The following GRIK5 variants were observed in gnomAD, a reference collection of about 807,000 sequenced individuals.
GRIK5 encodes the protein glutamate receptor ionotropic, kainate 5.
GRIK5 carries 43 observed loss-of-function variants against 97.4 expected under a neutral mutation model. That is an observed-to-expected ratio of 0.44 (90% confidence interval 0.35 to 0.57). The LOEUF is 0.57. GRIK5 is among the 20% of genes least tolerant of loss of function. The probability of loss-of-function intolerance (pLI) is 0.01; values close to 1 mark genes in which losing one functional copy is unlikely to be tolerated. For missense variants in GRIK5, 1,015 were observed against 1,382.0 expected, an observed-to-expected ratio of 0.73 and a Z score of 4.21; for synonymous variants, 580 against 583.5, an observed-to-expected ratio of 0.99 and a Z score of 0.09.
intron 15 of GRIK5, among the ~76,000 whole-genome samples, chr19:42,013,737 T>C (rs2146033247): frequency 6.6e-6 from 1 of 152,136 alleles, no homozygotes; most frequent in African/African-American, 2.4e-5. Flanking sequence ...AGAGAAAACA[T>C]AAATGTTTGA....
At chr19:42,063,977 G>A (rs2076294014) in intron 3 of GRIK5, among the ~76,000 whole-genome samples, 1 of 152,062 alleles carries the variant, frequency 6.6e-6, no homozygotes, top group Admixed American at 6.5e-5. Context: ...ACTGGTAAGG[G>A]CCCCACCATT....
chr19:42,016,025 A>G (rs968009235), intron 15 of GRIK5, among the ~76,000 whole-genome samples: 1 of 152,106 alleles, frequency 6.6e-6, no homozygotes, highest in Non-Finnish European at 1.5e-5. Flanking sequence ...GAAAAATAAA[A>G]CCAAAACCCC....
Position 41,999,028 on chromosome 19 carries a change from TG to T in GRIK5, c.2785del (p.His929ThrfsTer?). ...CCGGCACTCCTGGCAGACGCGCACGTGGGTGCAGGGGGTGGGGGCGGCGGGT... is the reference window on the plus strand; with the variant it reads ...CCGGCACTCCTGGCAGACGCGCACGTGGTGCAGGGGGTGGGGGCGGCGGGT... The part of the protein sequence containing the change: ...ARPAAPTPCT[H>X]VRVCQECRRI... On this transcript the variant is annotated frameshift_variant, in exon 20 of 20. Transcript: ENST00000593562. LOFTEE classifies it low-confidence loss of function (END_TRUNC). The surrounding 1 kb of genome is among the most constrained non-coding windows in gnomAD (Gnocchi z 5.0). 1.1e-6 allele frequency: 1 copy of T among 944,490 alleles called. No homozygotes were observed. The highest frequency in any genetic ancestry group is 3.4e-5 in the South Asian group (1 of 29,300). 58.5% of individuals were successfully genotyped at this position (944,490 alleles called of 1,614,324 possible).
intron 11 of GRIK5, among the ~76,000 whole-genome samples, chr19:42,047,496 C>T (rs1315156520): frequency 6.6e-6 from 1 of 152,042 alleles, no homozygotes; most frequent in Admixed American, 6.6e-5. Flanking sequence ...TAATTTAAAG[C>T]TATGGTATTT....
In GRIK5 at chr19:42,053,841, C is replaced by G; in HGVS notation, c.1145G>C (p.Arg382Pro). 1.2e-6 allele frequency: 2 copies of G among 1,613,236 alleles called. No homozygotes were observed. The highest frequency in any genetic ancestry group is 1.7e-6 in the Non-Finnish European group (2 of 1,179,188). Residue 382 changes from arginine to proline, a missense_variant, in exon 10 of 20, where the codon CGG becomes CCG. Around this residue, in one of 5 missense-constraint regions of GRIK5, gnomAD observed 477 missense variants for 701.1 expected, o/e 0.68. Coordinates refer to ENST00000593562, the MANE Select transcript of GRIK5 (RefSeq NM_002088.5). Reference protein sequence around the residue: ...NYTLRILEKSRQGHREIGVWY... With the variant: ...NYTLRILEKSPQGHREIGVWY... ...TCTGCTCACCTCACGGTGGCCCTGCCGGGACTTTTCTAGGATGCGCAGGGT... is the reference window on the plus strand; with the variant it reads ...TCTGCTCACCTCACGGTGGCCCTGCGGGGACTTTTCTAGGATGCGCAGGGT...
intron 17 of GRIK5, among the ~76,000 whole-genome samples, chr19:42,005,251 A>C (rs1324021754): frequency 6.6e-6 from 1 of 151,206 alleles, no homozygotes; most frequent in Non-Finnish European, 1.5e-5. Context: ...AAAAAAAAAA[A>C]AAAAAACAAA....
chr19:42,046,525 G>T (rs753650674), intron 11 of GRIK5, among the ~76,000 whole-genome samples: 3 of 152,170 alleles, frequency 2.0e-5, no homozygotes, highest in Non-Finnish European at 2.9e-5. Flanking sequence ...GTCCAAGAAA[G>T]TCAGTGCAGC....
Position 42,006,848 on chromosome 19 carries a change from C to A in GRIK5, c.1872-38G>T. ...AGGGGTGAGTCACGGGCTGGAGTCA[C>A]CCCTGCTGACCTGCCCCCGTGGCCA... On this transcript the variant is annotated intron_variant, in intron 15 of 19. Transcript: ENST00000593562. The surrounding 1 kb of genome is among the most constrained non-coding windows in gnomAD (Gnocchi z 5.3). The A allele has an allele frequency of 6.7e-7, 1 of 1,502,338 alleles. No homozygotes were observed. The highest frequency in any genetic ancestry group is 9.0e-7 in the Non-Finnish European group (1 of 1,115,404). 93.1% of individuals were successfully genotyped at this position (1,502,338 alleles called of 1,614,324 possible).
Position 41,998,723 on chromosome 19 carries a change from C to G in GRIK5, c.*148G>C, listed in dbSNP as rs1555870051. 19 of 266,402 alleles carry G rather than the reference C, an allele frequency of 7.1e-5. No homozygotes were observed. Among genetic ancestry groups the G allele is most frequent in the Non-Finnish European group, 8.1e-5 (13 of 160,370 alleles). The allele number at this position is 266,402 out of a possible 1,614,324, so 16.5% of individuals were successfully genotyped here. Reference sequence around the variant, plus strand: ...GGCTCCAGAGCCAGGCCTCGGACTTCGCGGGGAACCAAAGGCAAAATCGCG... The same window carrying G: ...GGCTCCAGAGCCAGGCCTCGGACTTGGCGGGGAACCAAAGGCAAAATCGCG... On this transcript the variant is annotated 3_prime_UTR_variant, in exon 20 of 20. Coordinates refer to ENST00000593562, the MANE Select transcript of GRIK5 (RefSeq NM_002088.5).
chr19:42,022,398 G>C lies in GRIK5; in HGVS notation c.1474-44C>G. On this transcript the variant is annotated intron_variant, in intron 12 of 19. Transcript: ENST00000593562. The surrounding 1 kb of genome is among the most constrained non-coding windows in gnomAD (Gnocchi z 4.2). ...GGCAGGGGTGGAGGGGGACAGAGGG[G>C]AAGACAGAAGTGGACAGTTAGAGAG... 6.4e-7 allele frequency: 1 copy of C among 1,560,366 alleles called. No homozygotes were observed. The highest frequency in any genetic ancestry group is 1.1e-5 in the South Asian group (1 of 89,692).
At position 42,059,511 on chromosome 19, in the gene GRIK5, C is replaced by T; in HGVS notation, c.525G>A (p.Glu175=). 6.2e-7 allele frequency: 1 copy of T among 1,612,908 alleles called. No individual in the cohort carries two copies. Among genetic ancestry groups the T allele is most frequent in the Non-Finnish European group, 8.5e-7 (1 of 1,179,818 alleles). The part of the protein sequence containing the change: ...CAKAECLLRL[E]ELVRGFLISK... ...AGATGAGGAAGCCACGCACCAGTTC[C>T]TCCAATCGCAGCAGGCCTGAGGGAG... is the stretch of plus-strand genomic sequence containing the variant. The change falls in exon 6 of 20, where the codon GAG becomes GAA. Residue 175 remains glutamate (E), a synonymous_variant. Coordinates refer to ENST00000593562, the MANE Select transcript of GRIK5 (RefSeq NM_002088.5).
At position 42,002,870 on chromosome 19, in the gene GRIK5, G is replaced by C. The variant is rs1284495313; in HGVS notation, c.2514+462C>G. Among the ~76,000 whole-genome samples, 2 of 152,060 alleles carry C rather than the reference G, an allele frequency of 1.3e-5. No individual in the cohort carries two copies. Among genetic ancestry groups the C allele is most frequent in the African/African-American group, 4.8e-5 (2 of 41,392 alleles). On this transcript the variant is annotated intron_variant, in intron 19 of 19. Transcript: ENST00000593562. The surrounding 1 kb of genome is among the most constrained non-coding windows in gnomAD (Gnocchi z 5.2). ...CCCATCTCAGCCTCCCGAGTAGCTG[G>C]GATTACAGGTGTGCACCACCATGCC...
chr19:42,007,283 C>T (rs544017909), intron 15 of GRIK5, among the ~76,000 whole-genome samples: 5 of 151,820 alleles, frequency 3.3e-5, no homozygotes, highest in African/African-American at 7.3e-5. Flanking sequence ...TTAGCAGAGA[C>T]GGGGTTTCAC....
chr19:42,040,038 C>A (rs2075959944), intron 12 of GRIK5, among the ~76,000 whole-genome samples: 1 of 151,768 alleles, frequency 6.6e-6, no homozygotes, highest in South Asian at 2.1e-4. Context: ...AGGCCCTGTT[C>A]TAAGTTCTTC....
chr19:42,068,601 G>A (rs567762949), intron 1 of GRIK5: 3 of 419,184 alleles, frequency 7.2e-6, no homozygotes, highest in Admixed American at 8.6e-5. Context: ...GGACAGGTGA[G>A]CGGAGGCACA....
intron 5 of GRIK5, 108 bp from the exon 6 acceptor site, chr19:42,059,635 G>A (rs1374357582): frequency 4.2e-6 from 4 of 942,700 alleles, no homozygotes; most frequent in Non-Finnish European, 6.3e-6. Context: ...ACTGGAGGGT[G>A]TGCAAGGACA....
chr19:42,048,806 AGGTG>A (rs995181704), intron 11 of GRIK5, among the ~76,000 whole-genome samples: 23 of 152,150 alleles, frequency 1.5e-4, no homozygotes, highest in Admixed American at 5.2e-4. Context: ...TAGGAGGTCA[AGGTG>A]GGTGGATCCC....
intron 12 of GRIK5, among the ~76,000 whole-genome samples, chr19:42,023,213 G>A (rs569784563): frequency 1.3e-5 from 2 of 152,014 alleles, no homozygotes; most frequent in African/African-American, 4.8e-5. Flanking sequence ...AACAGCTAAA[G>A]CCGGGTACGG....
intron 12 of GRIK5, among the ~76,000 whole-genome samples, chr19:42,032,784 G>A (rs903854588): frequency 1.3e-5 from 2 of 152,128 alleles, no homozygotes; most frequent in South Asian, 2.1e-4. Context: ...TAGTCACCCC[G>A]ATTCCTCTCT....
Sources: allele counts gnomAD v4.1 joint callset (sites outside exome capture counted in the v4.1 genomes callset), GRCh38; gene constraint gnomAD v4.1.1; regional missense constraint gnomAD v4.1.1; non-coding constraint Gnocchi (gnomAD v3.1); transcripts MANE v1.5; gene names NCBI Gene and HGNC (gene_info 2026-07-23, HGNC 2026-07-21).